Variants in KIF6 observed in about 807,000 individuals in gnomAD.
KIF6 encodes kinesin-like protein KIF6.
KIF6 carries 106 observed loss-of-function variants against 112.7 expected under a neutral mutation model. That is an observed-to-expected ratio of 0.94 (90% CI 0.80 to 1.11). The LOEUF (loss-of-function observed/expected upper bound fraction) is 1.11, where lower values mean the gene tolerates loss of function less well. Among genes scored for constraint, KIF6 ranks in the 50% least tolerant of loss-of-function variants. The pLI, the probability that KIF6 is intolerant of heterozygous loss-of-function variation, is 0.00. For synonymous variants in KIF6, 339 were observed against 339.9 expected, an observed-to-expected ratio of 1.00 and a Z score of 0.03; for missense variants, 929 against 964.0, an observed-to-expected ratio of 0.96 and a Z score of 0.48.
chr6:39,453,716 CA>C (rs1319516620), intron 13 of KIF6, among the ~76,000 whole-genome samples: 4 of 152,040 alleles, frequency 2.6e-5, no homozygotes, highest in Admixed American at 2.0e-4. Flanking sequence ...ATAAAAACCA[CA>C]AAAAAAGGGC....
At chr6:39,697,403 C>CT (rs1788606884) in intron 3 of KIF6, among the ~76,000 whole-genome samples, 1 of 152,170 alleles carries the variant, frequency 6.6e-6, no homozygotes. Flanking sequence ...ATGGAGGAAA[C>CT]TGAGACTGAA....
intron 5 of KIF6, among the ~76,000 whole-genome samples, chr6:39,624,562 G>A (rs10498742): frequency 0.069 from 10,563 of 152,212 alleles, 415 homozygotes; most frequent in Middle Eastern, 0.11. Flanking sequence ...TAATGCAATC[G>A]TGGAGACTAA....
At chr6:39,515,250 T>C (rs779517364) in intron 13 of KIF6, among the ~76,000 whole-genome samples, 5 of 152,176 alleles carry the variant, frequency 3.3e-5, no homozygotes, top group Non-Finnish European at 7.3e-5. Flanking sequence ...GAAACAGGAA[T>C]GTAGGCTTTC....
rs559477942 is a variant in KIF6, at chr6:39,575,339, C to T, written c.1181+2717G>A. Among the ~76,000 whole-genome samples, 170 of 151,540 alleles carry T rather than the reference C, an allele frequency of 1.1e-3. 5 individuals carry two copies. The highest frequency in any genetic ancestry group is 3.7e-3 in the East Asian group (19 of 5,152). On this transcript the variant is annotated intron_variant, in intron 10 of 22. Coordinates refer to ENST00000287152, the MANE Select transcript of KIF6 (RefSeq NM_145027.6). ...AGGCCGGAGTGCAGTGGCGCGATCT[C>T]GGCTCATTGCAAGCTCTGCCTCCCG...
At chr6:39,545,170 C>G (rs1399817430) in intron 11 of KIF6, among the ~76,000 whole-genome samples, 1 of 151,982 alleles carries the variant, frequency 6.6e-6, no homozygotes, top group African/African-American at 2.4e-5. Flanking sequence ...TACAAGTGAG[C>G]TAAAAGTAAA....
At chr6:39,361,917 A>G (rs1765182499) in intron 17 of KIF6, among the ~76,000 whole-genome samples, 1 of 152,190 alleles carries the variant, frequency 6.6e-6, no homozygotes, top group Non-Finnish European at 1.5e-5. Context: ...CATGGAGGAG[A>G]TAGCACACAT....
At chr6:39,490,153 T>A in intron 13 of KIF6, among the ~76,000 whole-genome samples, 1 of 152,164 alleles carries the variant, frequency 6.6e-6, no homozygotes, top group Non-Finnish European at 1.5e-5. Context: ...AATGCATTAT[T>A]TTCTCCTTTG....
intron 6 of KIF6, among the ~76,000 whole-genome samples, chr6:39,601,902 CCAA>C (rs1273986286): frequency 2.0e-5 from 3 of 152,068 alleles, no homozygotes; most frequent in Admixed American, 6.6e-5. Context: ...GTGGGGCAGA[CCAA>C]CAACATTCCC....
At chr6:39,681,186 T>C (rs62403355) in intron 3 of KIF6, among the ~76,000 whole-genome samples, 7,168 of 152,264 alleles carry the variant, frequency 0.047, 243 homozygotes, top group South Asian at 0.071. Flanking sequence ...ATGATCCGAT[T>C]TGAACACAAT....
At chr6:39,687,921 T>C (rs1282347551) in intron 3 of KIF6, among the ~76,000 whole-genome samples, 1 of 152,222 alleles carries the variant, frequency 6.6e-6, no homozygotes, top group Non-Finnish European at 1.5e-5. Flanking sequence ...ATAGATGGCA[T>C]ACTCCATTCA....
At chr6:39,460,828 C>T (rs1020396272) in intron 13 of KIF6, among the ~76,000 whole-genome samples, 2 of 152,132 alleles carry the variant, frequency 1.3e-5, no homozygotes, top group Non-Finnish European at 2.9e-5. Flanking sequence ...ACCCCAGGTA[C>T]ATAAAAATTT....
At chr6:39,360,708 A>G (rs528062752) in intron 17 of KIF6, among the ~76,000 whole-genome samples, 178 bp from the exon 18 acceptor site, 2 of 152,300 alleles carry the variant, frequency 1.3e-5, no homozygotes, top group African/African-American at 4.8e-5. Flanking sequence ...GTTTGAGTCC[A>G]TCACAGAGAA....
At chr6:39,381,157 C>T (rs1449915879) in intron 16 of KIF6, among the ~76,000 whole-genome samples, 3 of 152,308 alleles carry the variant, frequency 2.0e-5, no homozygotes, top group Admixed American at 1.3e-4. Flanking sequence ...CATCTACTTA[C>T]ACATCCAGAG....
intron 13 of KIF6, among the ~76,000 whole-genome samples, chr6:39,435,381 A>C (rs1771449943): frequency 1.3e-5 from 2 of 152,172 alleles, no homozygotes; most frequent in African/African-American, 4.8e-5. Context: ...TATTTAAAAA[A>C]ATTTTTTTAT....
intron 13 of KIF6, among the ~76,000 whole-genome samples, chr6:39,481,675 C>T (rs987811469): frequency 6.6e-6 from 1 of 152,150 alleles, no homozygotes; most frequent in African/African-American, 2.4e-5. Flanking sequence ...TCACCCCACC[C>T]AACCAATGCA....
intron 5 of KIF6, among the ~76,000 whole-genome samples, chr6:39,633,435 T>G (rs1784460563): frequency 6.6e-6 from 1 of 152,204 alleles, no homozygotes; most frequent in Non-Finnish European, 1.5e-5. Flanking sequence ...TTTTTCTGGA[T>G]TTCTCTGTTT....
intron 15 of KIF6, among the ~76,000 whole-genome samples, chr6:39,417,444 A>G (rs1232202068): frequency 6.6e-6 from 1 of 152,206 alleles, no homozygotes. Flanking sequence ...GAATCTCAAT[A>G]TTGGTGTGAA....
chr6:39,487,984 T>C (rs1015304362), intron 13 of KIF6, among the ~76,000 whole-genome samples: 7 of 139,378 alleles, frequency 5.0e-5, no homozygotes, highest in Non-Finnish European at 9.4e-5. Flanking sequence ...TACTTGCATT[T>C]ATAGGCATCT....
In KIF6 at chr6:39,662,913, T is replaced by C. The variant is rs372950735; in HGVS notation, c.252-23156A>G. 2.4e-4 allele frequency among the ~76,000 whole-genome samples: 35 copies of C among 145,646 alleles called. No individual in the cohort carries two copies. In the East Asian group the frequency reaches 3.7e-3, roughly 16 times the overall value. On this transcript the variant is annotated intron_variant, in intron 3 of 22. Transcript: ENST00000287152. ...TTCTTTTCTTCTTTTCTCTCTCTCT[T>C]TTTTTTTTTTATAGGGTCTTGCCCA...
Sources: allele counts gnomAD v4.1 joint callset (sites outside exome capture counted in the v4.1 genomes callset), GRCh38; gene constraint gnomAD v4.1.1; transcripts MANE v1.5; gene names NCBI Gene and HGNC (gene_info 2026-07-23, HGNC 2026-07-21).